The following ANTXR1 variants were observed in gnomAD, a reference collection of about 807,000 sequenced individuals.
ANTXR1 encodes the protein anthrax toxin receptor 1.
Under a neutral mutation model 78.1 loss-of-function variants are expected in ANTXR1, and 19 were observed. That is an observed-to-expected ratio of 0.24 (90% confidence interval 0.17 to 0.36). The LOEUF (loss-of-function observed/expected upper bound fraction) is 0.36. ANTXR1 is among the 10% of genes least tolerant of loss of function. The probability of loss-of-function intolerance (pLI) is 1.00; values close to 1 mark genes in which losing one functional copy is unlikely to be tolerated. For missense variants in ANTXR1, 518 were observed against 718.6 expected (o/e 0.72, Z 3.19); for synonymous variants, 273 against 260.5 (o/e 1.05, Z -0.46).
chr2:69,195,708 CT>C (rs1674653760), intron 17 of ANTXR1, among the ~76,000 whole-genome samples: 1 of 152,108 alleles, frequency 6.6e-6, no homozygotes, highest in Non-Finnish European at 1.5e-5. Flanking sequence ...TATACATTTG[CT>C]TTCTATGGGA....
intron 16 of ANTXR1, among the ~76,000 whole-genome samples, chr2:69,183,992 C>T (rs1010870875): frequency 6.6e-6 from 1 of 152,034 alleles, no homozygotes; most frequent in Admixed American, 6.6e-5. Flanking sequence ...CAGAACCGAA[C>T]CAACTCCAAA....
Position 69,245,225 on chromosome 2 carries a change from G to C in ANTXR1, c.1435G>C (p.Gly479Arg). The change falls in exon 18 of 18, where the codon GGG becomes CGG. Residue 479 changes from glycine to arginine, a missense_variant and splice_region_variant. By Grantham distance (125) the Gly-to-Arg change is moderately radical. Around this residue, in one of 5 missense-constraint regions of ANTXR1, gnomAD observed 192 missense variants for 230.2 expected, o/e 0.83. Coordinates refer to ENST00000303714, the MANE Select transcript of ANTXR1 (RefSeq NM_032208.3). ...SVMRPQPGDT[G>R]RCINFTRVKN... ...TTCCTTCTCTCCAATTCTTTTCTAG[G>C]GGCGCTGCATCAACTTCACCAGGGT... 6.2e-7 allele frequency: 1 copy of C among 1,613,896 alleles called. No individual in the cohort carries two copies. The highest frequency in any genetic ancestry group is 1.1e-5 in the South Asian group (1 of 91,066).
chr2:69,148,374 C>T (rs1389069824), intron 12 of ANTXR1, among the ~76,000 whole-genome samples: 3 of 152,192 alleles, frequency 2.0e-5, no homozygotes, highest in South Asian at 2.1e-4. Flanking sequence ...GTCACCTCCT[C>T]GGTGAAGTGC....
At chr2:69,234,207 C>G (rs1028392089) in intron 17 of ANTXR1, among the ~76,000 whole-genome samples, 1 of 152,132 alleles carries the variant, frequency 6.6e-6, no homozygotes, top group Non-Finnish European at 1.5e-5. Context: ...GTGGAAACTG[C>G]TGCTACAGAT....
At chr2:69,046,096 G>GCCA (rs1295984363) in intron 3 of ANTXR1, among the ~76,000 whole-genome samples, 1 of 152,102 alleles carries the variant, frequency 6.6e-6, no homozygotes, top group East Asian at 1.9e-4. Context: ...TTTAGATGAT[G>GCCA]CCACCCCTTA....
intron 1 of ANTXR1, among the ~76,000 whole-genome samples, chr2:69,026,052 C>T (rs557790511): frequency 3.3e-5 from 5 of 152,230 alleles, no homozygotes; most frequent in Non-Finnish European, 7.3e-5. Flanking sequence ...CTGGAATCCT[C>T]ACTCCCAAAT....
intron 8 of ANTXR1, among the ~76,000 whole-genome samples, chr2:69,084,310 G>C (rs1670982436): frequency 6.6e-6 from 1 of 152,186 alleles, no homozygotes. Flanking sequence ...CCTACTTTTA[G>C]AACCTTGTTT....
At chr2:69,227,504 G>A (rs1240712760) in intron 17 of ANTXR1, among the ~76,000 whole-genome samples, 2 of 152,308 alleles carry the variant, frequency 1.3e-5, no homozygotes, top group East Asian at 1.9e-4. Context: ...GTCATCAGAA[G>A]GTTCCTTTCT....
At chr2:69,059,691 A>G (rs1670175523) in intron 3 of ANTXR1, among the ~76,000 whole-genome samples, 1 of 152,202 alleles carries the variant, frequency 6.6e-6, no homozygotes, top group South Asian at 2.1e-4. Context: ...TACATGCTTA[A>G]TAGACTGCAA....
chr2:69,202,742 G>A (rs1335253766), intron 17 of ANTXR1, among the ~76,000 whole-genome samples: 2 of 152,194 alleles, frequency 1.3e-5, no homozygotes, highest in Non-Finnish European at 2.9e-5. Flanking sequence ...GATGTGGCTG[G>A]AGGAGTGGAG....
At chr2:69,014,127 A>G (rs7584385) in intron 1 of ANTXR1, among the ~76,000 whole-genome samples, 64,827 of 152,078 alleles carry the variant, frequency 0.43, 18,974 homozygotes, top group African/African-American at 0.81. Flanking sequence ...CACGGAAGGC[A>G]TTATCTTTGC....
chr2:69,176,166 T>C (rs1228795191), intron 14 of ANTXR1, among the ~76,000 whole-genome samples: 1 of 147,886 alleles, frequency 6.8e-6, no homozygotes, highest in Non-Finnish European at 1.5e-5. Context: ...TATGTTTTAA[T>C]ACTTTAAAAA....
intron 17 of ANTXR1, among the ~76,000 whole-genome samples, chr2:69,195,918 C>A (rs1674658807): frequency 6.6e-6 from 1 of 151,974 alleles, no homozygotes; most frequent in African/African-American, 2.4e-5. Context: ...TTCCACTGAC[C>A]AGTTTGGCAG....
intron 17 of ANTXR1, among the ~76,000 whole-genome samples, chr2:69,217,124 C>G (rs1675198210): frequency 6.6e-6 from 1 of 152,196 alleles, no homozygotes; most frequent in African/African-American, 2.4e-5. Context: ...ACCTTTGCTC[C>G]CAGGGATGAC....
chr2:69,247,101 T>G lies in ANTXR1; in HGVS notation c.*1616T>G, dbSNP rs1448377477. 6.6e-6 allele frequency: 1 copy of G among 152,556 alleles called. No homozygotes were observed. 9.5% of individuals were successfully genotyped at this position (152,556 alleles called of 1,614,324 possible). ...CAATTTTTGTGGCCATGGCAGACAT[T>G]GCTAATCAATCACAGCACTATTTCC... On this transcript the variant is annotated 3_prime_UTR_variant, in exon 18 of 18. Coordinates refer to ENST00000303714, the MANE Select transcript of ANTXR1 (RefSeq NM_032208.3).
intron 17 of ANTXR1, among the ~76,000 whole-genome samples, chr2:69,200,269 C>G (rs908368679): frequency 3.9e-5 from 6 of 152,122 alleles, no homozygotes; most frequent in African/African-American, 1.4e-4. Flanking sequence ...CAGAAGAGAC[C>G]CAGGGAAACA....
At chr2:69,026,791 AT>A (rs1671357338) in intron 1 of ANTXR1, among the ~76,000 whole-genome samples, 1 of 152,232 alleles carries the variant, frequency 6.6e-6, no homozygotes, top group Middle Eastern at 3.2e-3. Flanking sequence ...CATCTGGAGC[AT>A]AAACAGTTAG....
chr2:69,243,746 C>A (rs1307792488), intron 17 of ANTXR1, among the ~76,000 whole-genome samples: 1 of 152,208 alleles, frequency 6.6e-6, no homozygotes, highest in African/African-American at 2.4e-5. Flanking sequence ...GGACATATCT[C>A]GTTCAGGCTG....
chr2:69,193,838 C>A (rs771217669), intron 17 of ANTXR1, among the ~76,000 whole-genome samples: 19 of 152,194 alleles, frequency 1.2e-4, no homozygotes, highest in Non-Finnish European at 2.6e-4. Context: ...AGTACCAGCA[C>A]TGCAAGGATG....
Sources: allele counts gnomAD v4.1 joint callset (sites outside exome capture counted in the v4.1 genomes callset), GRCh38; gene constraint gnomAD v4.1.1; regional missense constraint gnomAD v4.1.1; transcripts MANE v1.5; gene names NCBI Gene and HGNC (gene_info 2026-07-23, HGNC 2026-07-21).